ZYG11B: variants seen among roughly 807,000 people sequenced by gnomAD.
The protein encoded by ZYG11B is zyg-11 family member B, cell cycle regulator.
ZYG11B carries 36 observed loss-of-function variants against 82.4 expected under a neutral mutation model. The observed-to-expected ratio is 0.44, with a 90% confidence interval of 0.33 to 0.58. The LOEUF (loss-of-function observed/expected upper bound fraction) is 0.58. Among genes scored for constraint, ZYG11B ranks in the 20% least tolerant of loss-of-function variants. The pLI is 0.02. For synonymous variants in ZYG11B, 303 were observed against 312.8 expected, an observed-to-expected ratio of 0.97 and a Z score of 0.33; for missense variants, 552 against 895.6, an observed-to-expected ratio of 0.62 and a Z score of 4.90.
At chr1:52,742,841 C>CA (rs746756692) in intron 1 of ZYG11B, among the ~76,000 whole-genome samples, 1,421 of 100,070 alleles carry the variant, frequency 0.014, 21 homozygotes, top group African/African-American at 0.03. Context: ...GCCTCCGTCT[C>CA]AAAAAAAAAA....
intron 1 of ZYG11B, among the ~76,000 whole-genome samples, chr1:52,741,341 A>T (rs903597292): frequency 2.7e-5 from 4 of 149,268 alleles, no homozygotes; most frequent in Non-Finnish European, 4.4e-5. Flanking sequence ...AAAGTTTTTT[A>T]AAAACCCAAA....
chr1:52,750,337 A>G (rs1644510595), intron 1 of ZYG11B, among the ~76,000 whole-genome samples: 2 of 151,414 alleles, frequency 1.3e-5, no homozygotes, highest in South Asian at 2.1e-4. Context: ...CAGTGGCGCA[A>G]TCTCGGCTCA....
intron 4 of ZYG11B, among the ~76,000 whole-genome samples, chr1:52,782,773 TAC>T (rs1293440182): frequency 6.6e-6 from 1 of 151,726 alleles, no homozygotes; most frequent in African/African-American, 2.4e-5. Flanking sequence ...CACACTATGT[TAC>T]ACAGGCTAAT....
At chr1:52,756,409 TA>T in intron 1 of ZYG11B, 48 bp from the exon 2 acceptor site, 1 of 1,558,682 alleles carries the variant, frequency 6.4e-7, no homozygotes, top group Non-Finnish European at 8.8e-7. Flanking sequence ...TTCTGGAAAC[TA>T]ACTAGTTGGT....
intron 2 of ZYG11B, among the ~76,000 whole-genome samples, chr1:52,758,077 G>A (rs1403909088): frequency 1.3e-5 from 2 of 151,286 alleles, no homozygotes; most frequent in African/African-American, 4.9e-5. Flanking sequence ...GCGCACACCT[G>A]TAGTCCCAGC....
At chr1:52,764,031 T>A (rs1644658945) in intron 2 of ZYG11B, among the ~76,000 whole-genome samples, 1 of 152,216 alleles carries the variant, frequency 6.6e-6, no homozygotes, top group Non-Finnish European at 1.5e-5. Context: ...AAAAATGCTT[T>A]GGGGCACAAT....
intron 1 of ZYG11B, among the ~76,000 whole-genome samples, chr1:52,752,475 T>C (rs1055586484): frequency 1.3e-5 from 2 of 152,192 alleles, no homozygotes; most frequent in African/African-American, 4.8e-5. Context: ...GATTAAATCA[T>C]TGGCCATTGG....
intron 2 of ZYG11B, among the ~76,000 whole-genome samples, chr1:52,764,205 C>G (rs909884659): frequency 6.6e-6 from 1 of 152,048 alleles, no homozygotes; most frequent in Non-Finnish European, 1.5e-5. Context: ...CTCACTGCAA[C>G]CTCCGCCTCC....
intron 10 of ZYG11B, among the ~76,000 whole-genome samples, chr1:52,809,955 T>A: frequency 6.6e-6 from 1 of 152,230 alleles, no homozygotes; most frequent in Non-Finnish European, 1.5e-5. Flanking sequence ...TTTCTCCCAT[T>A]CTGCTTGGTA....
At chr1:52,779,230 G>A (rs1191236092) in intron 3 of ZYG11B, among the ~76,000 whole-genome samples, 1 of 152,122 alleles carries the variant, frequency 6.6e-6, no homozygotes, top group Non-Finnish European at 1.5e-5. Context: ...TGAGCTAGAG[G>A]GAGGGGATTA....
At chr1:52,816,810 C>T (rs1190647944) in intron 13 of ZYG11B, among the ~76,000 whole-genome samples, 181 bp downstream of exon 13, 5 of 101,636 alleles carry the variant, frequency 4.9e-5, no homozygotes, top group East Asian at 3.2e-4. Flanking sequence ...TTTTTTGAGA[C>T]GAAGTCTCGC....
rs146152470 is a variant in ZYG11B, at chr1:52,736,242, A to G, written c.30+9559A>G. Among the ~76,000 whole-genome samples, 1,023 of 151,876 alleles carry G rather than the reference A, an allele frequency of 6.7e-3. 9 individuals are homozygous for G. The highest frequency in any genetic ancestry group is 0.023 in the African/African-American group (961 of 41,368). On this transcript the variant is annotated intron_variant, in intron 1 of 13. Transcript: ENST00000294353. ...TACTTGGTGATGTCTAGCACATAGT[A>G]GGGACTCAGCAAATAGTTGTTGAAT...
chr1:52,757,699 A>G (rs1644591661), intron 2 of ZYG11B, among the ~76,000 whole-genome samples: 1 of 151,742 alleles, frequency 6.6e-6, no homozygotes, highest in African/African-American at 2.4e-5. Flanking sequence ...AACAATAACA[A>G]AAAGCCTTAT....
intron 10 of ZYG11B, among the ~76,000 whole-genome samples, chr1:52,806,823 A>G (rs1399254023): frequency 6.6e-6 from 1 of 151,976 alleles, no homozygotes; most frequent in Admixed American, 6.6e-5. Flanking sequence ...TGTGATTTTT[A>G]AATTTTTTTA....
chr1:52,733,592 T>C (rs1294539878), intron 1 of ZYG11B, among the ~76,000 whole-genome samples: 1 of 152,004 alleles, frequency 6.6e-6, no homozygotes, highest in African/African-American at 2.4e-5. Context: ...GCCTAGGAGG[T>C]TGAAGCTGCA....
intron 3 of ZYG11B, chr1:52,772,611 T>G: frequency 7.3e-6 from 9 of 1,234,506 alleles, no homozygotes; most frequent in Non-Finnish European, 1.1e-5. Context: ...TAAAGCCGAC[T>G]GGGACAGGCC....
chr1:52,812,577 A>AT (rs1490119504), intron 10 of ZYG11B, among the ~76,000 whole-genome samples: 9 of 149,584 alleles, frequency 6.0e-5, no homozygotes, highest in African/African-American at 1.5e-4. Context: ...TAATTTTTCT[A>AT]TTTTTTTAGT....
In ZYG11B at chr1:52,756,637, CAG is replaced by C. The variant is rs756924440; in HGVS notation, c.196+17_196+18del. 2.9e-4 allele frequency: 461 copies of C among 1,589,680 alleles called. No homozygotes were observed. Among genetic ancestry groups the C allele is most frequent in the Non-Finnish European group, 3.7e-4 (433 of 1,165,872 alleles). On this transcript the variant is annotated intron_variant, in intron 2 of 13. Transcript: ENST00000294353. ...TGGCTTTTCATGGTAAAAAAATAAA[CAG>C]AGGAAACAAAAATTATGTGCTGTTA...
intron 1 of ZYG11B, among the ~76,000 whole-genome samples, chr1:52,756,082 C>G (rs1029466357): frequency 2.0e-5 from 3 of 152,194 alleles, no homozygotes; most frequent in Non-Finnish European, 4.4e-5. Context: ...AAATAGCTCT[C>G]TCAGCTTCAT....
Sources: gnomAD v4.1 joint callset for allele counts (sites outside exome capture counted in the v4.1 genomes callset) on GRCh38, gnomAD v4.1.1 for gene constraint, MANE v1.5 for transcripts, NCBI Gene and HGNC (gene_info 2026-07-23, HGNC 2026-07-21) for gene names.